Variants in CHST9 observed in about 807,000 individuals in gnomAD.
CHST9 encodes GalNAc-4-sulfotransferase 2.
In CHST9, 41 loss-of-function variants were observed where a neutral mutation model predicts 44.4. That is an observed-to-expected ratio of 0.92 (90% confidence interval 0.72 to 1.20). The LOEUF is 1.20. Ranked by LOEUF, CHST9 falls within the 50% of genes most tolerant of loss-of-function variation. The probability of loss-of-function intolerance (pLI) is 0.00; values close to 1 mark genes in which losing one functional copy is unlikely to be tolerated. For missense variants in CHST9, 504 were observed against 516.5 expected (o/e 0.98, Z 0.23); for synonymous variants, 171 against 178.4 (o/e 0.96, Z 0.33).
At chr18:26,969,050 G>C (rs2056503429) in intron 4 of CHST9, among the ~76,000 whole-genome samples, 1 of 149,184 alleles carries the variant, frequency 6.7e-6, no homozygotes, top group Admixed American at 6.7e-5. Context: ...CCAGGCTGGA[G>C]TGCAGTGGTG....
chr18:27,160,268 T>A (rs940340911), intron 1 of CHST9, among the ~76,000 whole-genome samples: 9 of 152,238 alleles, frequency 5.9e-5, no homozygotes, highest in African/African-American at 2.2e-4. Flanking sequence ...GCTCTTATTA[T>A]TTTGAGATAC....
intron 3 of CHST9, among the ~76,000 whole-genome samples, chr18:27,033,077 T>C (rs969056503): frequency 1.3e-5 from 2 of 152,226 alleles, no homozygotes; most frequent in African/African-American, 4.8e-5. Context: ...TTCAATTCAT[T>C]TGTAAAATTA....
chr18:27,062,424 T>G (rs2057734502), intron 2 of CHST9, among the ~76,000 whole-genome samples: 1 of 152,134 alleles, frequency 6.6e-6, no homozygotes, highest in South Asian at 2.1e-4. Context: ...TGGTTTTCTC[T>G]CCTTGCGATA....
chr18:27,049,298 A>G (rs1851713857), intron 2 of CHST9, among the ~76,000 whole-genome samples: 1 of 152,104 alleles, frequency 6.6e-6, no homozygotes, highest in South Asian at 2.1e-4. Context: ...GAAGAAGTCA[A>G]GATGAGTGGT....
intron 2 of CHST9, among the ~76,000 whole-genome samples, chr18:27,053,141 A>AGG (rs869188751): frequency 8.3e-6 from 1 of 120,990 alleles, no homozygotes; most frequent in East Asian, 2.3e-4. Context: ...GAAGAAGAAG[A>AGG]AGAAGAAGAA....
At chr18:27,173,189 C>T (rs28439892) in intron 1 of CHST9, among the ~76,000 whole-genome samples, 316 of 152,068 alleles carry the variant, frequency 2.1e-3, no homozygotes, top group African/African-American at 7.4e-3. Flanking sequence ...TTGACTAAAT[C>T]GAGAGCTTTG....
chr18:27,184,056 A>G (rs1158786237), intron 1 of CHST9, among the ~76,000 whole-genome samples: 1 of 152,214 alleles, frequency 6.6e-6, no homozygotes, highest in Non-Finnish European at 1.5e-5. Context: ...TTCTGAGGTT[A>G]AAGCGAAGAA....
At chr18:26,938,606 ACACTG>A in intron 5 of CHST9, among the ~76,000 whole-genome samples, 1 of 152,212 alleles carries the variant, frequency 6.6e-6, no homozygotes, top group Admixed American at 6.5e-5. Context: ...AGTTCACACT[ACACTG>A]AAAAGTCATC....
rs201424403 is a variant in CHST9 at position 26,917,885 on chromosome 18, T to TC, written c.241-536dup. Among the ~76,000 whole-genome samples, 196 of 151,966 alleles carry TC rather than the reference T, an allele frequency of 1.3e-3. 1 individual carries two copies. The highest frequency in any genetic ancestry group is 4.5e-3 in the African/African-American group (188 of 41,438). On this transcript the variant is annotated intron_variant, in intron 5 of 5. Transcript: ENST00000618847. ...TTGCAAAAATCATGTATTTTTTTTTTCCTGGGAAAATGTTTTATTTTTCTA... is the reference window on the plus strand; with the variant it reads ...TTGCAAAAATCATGTATTTTTTTTTTCCCTGGGAAAATGTTTTATTTTTCTA...
intron 5 of CHST9, among the ~76,000 whole-genome samples, chr18:26,924,033 A>G (rs191075979): frequency 9.8e-4 from 149 of 152,264 alleles, no homozygotes; most frequent in Non-Finnish European, 2.4e-4. Flanking sequence ...GCCTGGGCTG[A>G]TATAAACAGT....
chr18:27,148,623 T>G (rs939491517), intron 1 of CHST9, among the ~76,000 whole-genome samples: 4 of 151,192 alleles, frequency 2.6e-5, no homozygotes, highest in African/African-American at 7.3e-5. Flanking sequence ...TTCCATGGTG[T>G]ATATGTGCCA....
At chr18:27,016,174 T>G (rs2057151661) in intron 4 of CHST9, among the ~76,000 whole-genome samples, 1 of 152,234 alleles carries the variant, frequency 6.6e-6, no homozygotes. Flanking sequence ...CATGCTTCTT[T>G]TGTAAGGAGT....
chr18:27,105,119 C>T (rs896961108), intron 2 of CHST9, among the ~76,000 whole-genome samples: 1 of 152,068 alleles, frequency 6.6e-6, no homozygotes, highest in Non-Finnish European at 1.5e-5. Flanking sequence ...AAGAAGACAG[C>T]ATGTGAGGCA....
intron 2 of CHST9, among the ~76,000 whole-genome samples, chr18:27,089,872 G>A (rs2058050965): frequency 7.0e-6 from 1 of 141,990 alleles, no homozygotes. Flanking sequence ...GTGCAGTCAC[G>A]CGATCTGGGC....
chr18:26,995,912 AT>A (rs917621113), intron 4 of CHST9, among the ~76,000 whole-genome samples: 1 of 152,216 alleles, frequency 6.6e-6, no homozygotes, highest in African/African-American at 2.4e-5. Context: ...ATCAGCTGCA[AT>A]TTTAGTTTCC....
intron 4 of CHST9, among the ~76,000 whole-genome samples, chr18:26,957,139 C>T (rs751074413): frequency 6.6e-6 from 1 of 152,230 alleles, no homozygotes; most frequent in Middle Eastern, 3.4e-3. Flanking sequence ...ATCAATCAAA[C>T]CTGTGGTGCC....
intron 4 of CHST9, among the ~76,000 whole-genome samples, chr18:26,977,234 T>C (rs1377926764): frequency 6.6e-6 from 1 of 152,070 alleles, no homozygotes; most frequent in Non-Finnish European, 1.5e-5. Flanking sequence ...AAAACCCAGA[T>C]GGAAGCTGTC....
chr18:27,105,332 C>G (rs1239838898), intron 2 of CHST9, among the ~76,000 whole-genome samples: 3 of 152,136 alleles, frequency 2.0e-5, no homozygotes, highest in Non-Finnish European at 4.4e-5. Context: ...GAAAATCTCT[C>G]TTTGATCAAT....
rs1302086130 is a variant in CHST9 at position 27,041,464 on chromosome 18, G to A, written c.160+7001C>T. The stretch of plus-strand genomic sequence containing the variant: ...GGAGGCACCCTGTGAAATTTATTGT[G>A]ATGCAGCTGAAGATAATACTTCTCC... On this transcript the variant is annotated intron_variant, in intron 3 of 5. Coordinates refer to ENST00000618847, the MANE Select transcript of CHST9 (RefSeq NM_031422.6). Among the ~76,000 whole-genome samples the A allele has an allele frequency of 2.0e-5, 3 of 152,118 alleles. No individual in the cohort carries two copies. The East Asian group carries it at 5.8e-4, about 29-fold the overall frequency.
Sources: allele counts gnomAD v4.1 joint callset (sites outside exome capture counted in the v4.1 genomes callset), GRCh38; gene constraint gnomAD v4.1.1; transcripts MANE v1.5; gene names NCBI Gene and HGNC (gene_info 2026-07-23, HGNC 2026-07-21).